TOP1MT: variants seen among roughly 807,000 people sequenced by gnomAD.
TOP1MT encodes the protein DNA topoisomerase I, mitochondrial.
TOP1MT carries 80 observed loss-of-function variants against 73.9 expected under a neutral mutation model. That is an observed-to-expected ratio of 1.08 (90% CI 0.90 to 1.30). The LOEUF (loss-of-function observed/expected upper bound fraction) is 1.30. Among genes scored for constraint, TOP1MT ranks in the 50% most tolerant of loss-of-function variants. The pLI is 0.00. For missense variants in TOP1MT, 815 were observed against 808.0 expected, an observed-to-expected ratio of 1.01 and a Z score of -0.10; for synonymous variants, 338 against 326.4, an observed-to-expected ratio of 1.04 and a Z score of -0.38.
upstream of TOP1MT, among the ~76,000 whole-genome samples, chr8:143,339,189 C>T (rs1015778244): frequency 1.3e-5 from 2 of 152,206 alleles, no homozygotes; most frequent in African/African-American, 2.4e-5. Flanking sequence ...AGAAGCCACA[C>T]TGCAAAAGAA....
intron 1 of TOP1MT, chr8:143,332,681 G>C (rs1481277576): frequency 2.8e-6 from 2 of 711,624 alleles, no homozygotes; most frequent in African/African-American, 3.7e-5. Flanking sequence ...AATGGGCAAG[G>C]TTAGAAGACG....
chr8:143,353,340 C>T (rs1817351653), intron 1 of TOP1MT, among the ~76,000 whole-genome samples: 1 of 151,556 alleles, frequency 6.6e-6, no homozygotes, highest in African/African-American at 2.4e-5. Flanking sequence ...GGCTTGAGCC[C>T]AGGAGTTCAA....
At chr8:143,340,448 C>T (rs1817058480) in intron 2 of TOP1MT, among the ~76,000 whole-genome samples, 1 of 152,158 alleles carries the variant, frequency 6.6e-6, no homozygotes, top group Non-Finnish European at 1.5e-5. Flanking sequence ...TGGCTCTCCT[C>T]CTGTGGCTTA....
chr8:143,333,165 AGC>A, intron 1 of TOP1MT, among the ~76,000 whole-genome samples: 2 of 152,138 alleles, frequency 1.3e-5, no homozygotes, highest in Middle Eastern at 3.4e-3. Flanking sequence ...AACTGATAGG[AGC>A]CAGGCGCGGT....
chr8:143,315,894 A>G, intron 11 of TOP1MT, 73 bp from the exon 12 acceptor site: 3 of 1,603,482 alleles, frequency 1.9e-6, no homozygotes, highest in Non-Finnish European at 2.6e-6. Flanking sequence ...ACCCTTCCAC[A>G]CCCTACGTGC....
intron 12 of TOP1MT, 76 bp downstream of exon 12, chr8:143,315,651 A>T: frequency 8.7e-7 from 1 of 1,144,070 alleles, no homozygotes; most frequent in Non-Finnish European, 1.3e-6. Context: ...GTCGTCTCCC[A>T]CCGACCCTGT....
At chr8:143,325,717 C>T (rs954616171) in intron 4 of TOP1MT, among the ~76,000 whole-genome samples, 184 bp from the exon 5 acceptor site, 8 of 152,122 alleles carry the variant, frequency 5.3e-5, no homozygotes, top group African/African-American at 1.4e-4. Flanking sequence ...CAGGGGGCAC[C>T]GAGAGCCATG....
chr8:143,309,468 G>A lies in TOP1MT; in HGVS notation c.1779C>T (p.Ala593=), dbSNP rs112672243. 2.6e-3 allele frequency: 4,153 copies of A among 1,613,924 alleles called. 75 individuals carry two copies. In the African/African-American group the frequency reaches 0.037, roughly 14 times the overall value. Residue 593 remains alanine (A), a synonymous_variant, in exon 14 of 14, where the codon GCC becomes GCT. Transcript: ENST00000329245. Reference sequence around the variant, plus strand: ...AGAATTCAAAGTCTTCTCCTGCCATGGCGAGAGCCCAGGCGAACCTCTCCC... The same window carrying A: ...AGAATTCAAAGTCTTCTCCTGCCATAGCGAGAGCCCAGGCGAACCTCTCCC... ...TQRERFAWAL[A]MAGEDFEF
intron 2 of TOP1MT, 114 bp downstream of exon 2, chr8:143,331,110 G>A (rs1180235199): frequency 3.3e-5 from 25 of 768,854 alleles, no homozygotes; most frequent in Middle Eastern, 3.8e-4. Flanking sequence ...GGCACAGAGC[G>A]CTCATAGCCA....
rs1406290358 is a variant in TOP1MT, at chr8:143,341,869, TCCC to T, written c.29+1348_29+1350del. Among the ~76,000 whole-genome samples, 1 of 147,786 alleles carries T rather than the reference TCCC, an allele frequency of 6.8e-6. No individual in the cohort carries two copies. The highest frequency in any genetic ancestry group is 1.9e-4 in the East Asian group (1 of 5,196). Reference sequence around the variant, plus strand: ...TCCTCCTCCTCCTTCCTCTTTCTCCTCCCCCTTCTTCTTCTTCTTATTAGCGAC... The same window carrying T: ...TCCTCCTCCTCCTTCCTCTTTCTCCTCCTTCTTCTTCTTCTTATTAGCGAC... On this transcript the variant is annotated intron_variant, in intron 2 of 5. Transcript: ENST00000518007. The surrounding 1 kb of genome is among the most constrained non-coding windows in gnomAD (Gnocchi z 4.1).
intron 3 of TOP1MT, chr8:143,328,263 A>C (rs1563764545): frequency 2.2e-6 from 1 of 456,178 alleles, no homozygotes; most frequent in African/African-American, 2.0e-5. Context: ...CTGAGAAGTG[A>C]AAAGGCAAAG....
chr8:143,326,060 C>T (rs112281475), intron 4 of TOP1MT, among the ~76,000 whole-genome samples, 162 bp downstream of exon 4: 273 of 152,302 alleles, frequency 1.8e-3, no homozygotes, highest in African/African-American at 6.2e-3. Flanking sequence ...GGAAGCGGAA[C>T]GACACTTAAG....
At chr8:143,327,580 G>A (rs116866559) in intron 3 of TOP1MT, 14 of 197,396 alleles carry the variant, frequency 7.1e-5, no homozygotes, top group African/African-American at 9.4e-5. Flanking sequence ...CTCAGGGTCC[G>A]TCCCTGTGTC....
rs554373723 is a variant in TOP1MT at position 143,331,265 on chromosome 8, G to C, written c.197C>G (p.Pro66Arg). ...CACTCCGTCGGGAAGGGGCTCGTAT[G>C]GGGGTGCGAAGTACGGGCCCTTGTG... is the stretch of plus-strand genomic sequence containing the variant. Reference protein sequence around the residue: ...LEHKGPYFAPPYEPLPDGVRF... With the variant: ...LEHKGPYFAPRYEPLPDGVRF... Residue 66 changes from proline to arginine, a missense_variant, in exon 2 of 14, where the codon CCA (proline) becomes CGA (arginine). Physicochemically the swap from Pro to Arg is moderately radical, Grantham distance 103. Around this residue, in one of 3 missense-constraint regions of TOP1MT, gnomAD observed 751 missense variants for 725.4 expected, o/e 1.04. Transcript: ENST00000329245. 1.2e-6 allele frequency: 2 copies of C among 1,612,258 alleles called. No homozygotes were observed. Among genetic ancestry groups the C allele is most frequent in the African/African-American group, 1.3e-5 (1 of 75,018 alleles).
At chr8:143,321,669 C>T (rs1367572847) in intron 7 of TOP1MT, among the ~76,000 whole-genome samples, 3 of 120,852 alleles carry the variant, frequency 2.5e-5, no homozygotes, top group South Asian at 2.6e-4. Flanking sequence ...CACACACGCA[C>T]GCCACACACG....
At chr8:143,321,042 C>A (rs1816325112) in intron 8 of TOP1MT, among the ~76,000 whole-genome samples, 159 bp downstream of exon 8, 1 of 152,158 alleles carries the variant, frequency 6.6e-6, no homozygotes, top group South Asian at 2.1e-4. Flanking sequence ...ACAGCCTCTC[C>A]TTCACCTTTA....
In TOP1MT at chr8:143,316,016, G is replaced by A. The variant is rs1383503417; in HGVS notation, c.1441C>T (p.Gln481Ter). 14 of 1,614,158 alleles carry A rather than the reference G, an allele frequency of 8.7e-6. No homozygotes were observed. Among genetic ancestry groups the A allele is most frequent in the Admixed American group, 1.7e-5 (1 of 60,026 alleles). Residue 481 changes from glutamine (Q) to a stop codon, truncating the protein, a stop_gained, in exon 11 of 14, where the codon CAG becomes TAG. Coordinates refer to ENST00000329245, the MANE Select transcript of TOP1MT (RefSeq NM_052963.3). LOFTEE classifies it high-confidence loss of function. ...ATPSTFEKSM[Q>*]NLQTKIQAKK... ...GCTGCTACCTTCGTCTGGAGATTCT[G>A]CATCGACTTCTCGAACGTACTGGGG... is the stretch of plus-strand genomic sequence containing the variant.
chr8:143,351,809 T>C (rs1817325211), intron 1 of TOP1MT, among the ~76,000 whole-genome samples: 1 of 151,838 alleles, frequency 6.6e-6, no homozygotes, highest in Non-Finnish European at 1.5e-5. Context: ...CTCGGCCAGG[T>C]GTAGTGGCTC....
rs374948305 is a variant in TOP1MT, at chr8:143,318,005, C to G, written c.1215+13G>C. On this transcript the variant is annotated intron_variant, in intron 9 of 13. Coordinates refer to ENST00000329245, the MANE Select transcript of TOP1MT (RefSeq NM_052963.3). ...GCCGCCGCCCACTGCTGAGGAAACA[C>G]GAGCCGGCTTACGGTCAGCCTGTCG... 3 of 1,613,976 alleles carry G rather than the reference C, an allele frequency of 1.9e-6. No individual in the cohort carries two copies. Among genetic ancestry groups the G allele is most frequent in the Non-Finnish European group, 1.7e-6 (2 of 1,179,968 alleles).
Sources: allele counts gnomAD v4.1 joint callset (sites outside exome capture counted in the v4.1 genomes callset), GRCh38; gene constraint gnomAD v4.1.1; regional missense constraint gnomAD v4.1.1; non-coding constraint Gnocchi (gnomAD v3.1); transcripts MANE v1.5; gene names NCBI Gene and HGNC (gene_info 2026-07-23, HGNC 2026-07-21).